IL1RAPL2: variants seen among roughly 807,000 people sequenced by gnomAD.
IL1RAPL2 encodes the protein interleukin 1 receptor accessory protein like 2.
Under a neutral mutation model 44.1 loss-of-function variants are expected in IL1RAPL2, and 3 were observed. That is an observed-to-expected ratio of 0.07 (90% CI 0.03 to 0.18). The LOEUF is 0.18. IL1RAPL2 is among the 10% of genes least tolerant of loss of function. IL1RAPL2 has a pLI of 1.00. For synonymous variants in IL1RAPL2, 181 were observed against 178.8 expected (o/e 1.01, Z -0.10); for missense variants, 391 against 496.4 (o/e 0.79, Z 2.02).
chrX:104,696,797 G>C (rs1045860969), intron 2 of IL1RAPL2, among the ~76,000 whole-genome samples: 1 of 111,843 alleles, frequency 8.9e-6, no homozygotes, highest in Non-Finnish European at 1.9e-5. Flanking sequence ...AGTACCAGAA[G>C]CTAGCCCTCC....
At chrX:105,489,768 C>CT (rs1569447155) in intron 6 of IL1RAPL2, among the ~76,000 whole-genome samples, 6 of 79,201 alleles carry the variant, frequency 7.6e-5, no homozygotes, top group African/African-American at 1.5e-4. Context: ...CTCTTTCTTT[C>CT]TTTCTTTTCT....
At chrX:104,754,030 T>A (rs1051797720) in intron 2 of IL1RAPL2, among the ~76,000 whole-genome samples, 12 of 111,622 alleles carry the variant, frequency 1.1e-4, no homozygotes, top group African/African-American at 3.6e-4. Flanking sequence ...ACGTTGTGGA[T>A]GTCATTTGGT....
intron 6 of IL1RAPL2, among the ~76,000 whole-genome samples, chrX:105,595,569 C>T (rs1252768495): frequency 2.7e-5 from 3 of 110,583 alleles, no homozygotes; most frequent in Non-Finnish European, 3.8e-5. Context: ...CTATTTTCAT[C>T]GGAGGTATTG....
At chrX:105,666,499 G>A (rs913489776) in intron 6 of IL1RAPL2, among the ~76,000 whole-genome samples, 1 of 111,909 alleles carries the variant, frequency 8.9e-6, no homozygotes, top group African/African-American at 3.3e-5. Context: ...TACAGAGAAA[G>A]GAATTTACAA....
intron 5 of IL1RAPL2, among the ~76,000 whole-genome samples, chrX:105,464,687 A>C (rs1050552404): frequency 8.9e-6 from 1 of 112,043 alleles, no homozygotes; most frequent in Non-Finnish European, 1.9e-5. Flanking sequence ...GATCGTGTTG[A>C]AAATGATTTA....
At chrX:105,576,501 A>G (rs937005590) in intron 6 of IL1RAPL2, among the ~76,000 whole-genome samples, 2 of 111,467 alleles carry the variant, frequency 1.8e-5, no homozygotes, top group Non-Finnish European at 3.8e-5. Flanking sequence ...GTAAGTCAAT[A>G]GGTCAGCAGT....
intron 2 of IL1RAPL2, among the ~76,000 whole-genome samples, chrX:104,806,188 G>C (rs1411053823): frequency 3.6e-5 from 4 of 111,965 alleles, no homozygotes; most frequent in Non-Finnish European, 7.5e-5. Context: ...AGTTTAGATG[G>C]ACAAGAGAAA....
intron 5 of IL1RAPL2, among the ~76,000 whole-genome samples, chrX:105,317,198 G>A (rs746190962): frequency 1.2e-4 from 13 of 111,822 alleles, no homozygotes; most frequent in African/African-American, 4.2e-4. Context: ...GTAAAAATAA[G>A]GGAAAAACCC....
intron 1 of IL1RAPL2, among the ~76,000 whole-genome samples, chrX:104,634,274 C>A (rs1241718732): frequency 9.0e-6 from 1 of 111,178 alleles, no homozygotes; most frequent in Non-Finnish European, 1.9e-5. Flanking sequence ...CTGTGTGGTC[C>A]ATTTTGGAAT....
chrX:105,295,950 C>T (rs192139026), intron 5 of IL1RAPL2, among the ~76,000 whole-genome samples: 163 of 111,354 alleles, frequency 1.5e-3, no homozygotes, highest in African/African-American at 5.0e-3. Context: ...TTCAGTCTTT[C>T]CATACCAATT....
At chrX:105,552,963 TATC>T (rs1239953952) in intron 6 of IL1RAPL2, among the ~76,000 whole-genome samples, 1 of 112,253 alleles carries the variant, frequency 8.9e-6, no homozygotes, top group African/African-American at 3.2e-5. Context: ...AATATCATAT[TATC>T]ATAATGCTTT....
chrX:105,133,877 T>A (rs925021205), intron 2 of IL1RAPL2, among the ~76,000 whole-genome samples: 3 of 111,235 alleles, frequency 2.7e-5, no homozygotes, highest in Non-Finnish European at 5.7e-5. Context: ...ACCATCTACT[T>A]TAGGGATTAG....
intron 2 of IL1RAPL2, among the ~76,000 whole-genome samples, chrX:104,710,348 T>C (rs1303780710): frequency 9.0e-6 from 1 of 111,517 alleles, no homozygotes; most frequent in Admixed American, 9.5e-5. Flanking sequence ...AAACATGTTA[T>C]ATTAAAGAAG....
At chrX:105,143,451 G>A (rs2033145930) in intron 2 of IL1RAPL2, among the ~76,000 whole-genome samples, 2 of 111,849 alleles carry the variant, frequency 1.8e-5, no homozygotes, top group South Asian at 7.4e-4. Context: ...AACAACAGGT[G>A]CTGGAGAGGA....
chrX:104,986,347 A>C (rs981780331), intron 2 of IL1RAPL2, among the ~76,000 whole-genome samples: 4 of 112,302 alleles, frequency 3.6e-5, no homozygotes, highest in African/African-American at 1.3e-4. Flanking sequence ...CGTGGATAGC[A>C]CAGAGTCTGG....
intron 1 of IL1RAPL2, among the ~76,000 whole-genome samples, chrX:104,574,452 A>T (rs1380070838): frequency 8.9e-6 from 1 of 112,196 alleles, no homozygotes; most frequent in African/African-American, 3.2e-5. Context: ...GATATGGATG[A>T]TCCAACGTAC....
intron 2 of IL1RAPL2, among the ~76,000 whole-genome samples, chrX:104,684,068 T>C (rs965990277): frequency 1.8e-5 from 2 of 111,817 alleles, no homozygotes; most frequent in Non-Finnish European, 3.8e-5. Context: ...TTGTTTACTA[T>C]AAGAAGCACG....
chrX:105,597,998 A>G (rs2037224310), intron 6 of IL1RAPL2, among the ~76,000 whole-genome samples: 1 of 111,494 alleles, frequency 9.0e-6, no homozygotes, highest in South Asian at 3.8e-4. Context: ...ATAAACATAC[A>G]TGTACCCCCA....
chrX:105,737,289 G>T (rs1286573810), intron 7 of IL1RAPL2, among the ~76,000 whole-genome samples: 1 of 110,864 alleles, frequency 9.0e-6, no homozygotes, highest in Non-Finnish European at 1.9e-5. Context: ...AAAATAATCT[G>T]TACACCAAAC....
Sources: gnomAD v4.1 joint callset for allele counts (sites outside exome capture counted in the v4.1 genomes callset) on GRCh38, gnomAD v4.1.1 for gene constraint, MANE v1.5 for transcripts, NCBI Gene and HGNC (gene_info 2026-07-23, HGNC 2026-07-21) for gene names.